PKHD1: variants seen among roughly 807,000 people sequenced by gnomAD.
The protein encoded by PKHD1 is fibrocystin.
PKHD1 carries 291 observed loss-of-function variants against 412.0 expected under a neutral mutation model. The ratio of observed to expected loss-of-function variants is 0.71; its 90% CI spans 0.64 to 0.78. PKHD1 has a LOEUF of 0.78. Among genes scored for constraint, PKHD1 ranks in the 30% least tolerant of loss-of-function variants. The probability of loss-of-function intolerance (pLI) is 0.00; values close to 1 mark genes in which losing one functional copy is unlikely to be tolerated. For missense variants in PKHD1, 4,825 were observed against 4,950.7 expected (o/e 0.97, Z 0.76); for synonymous variants, 1,777 against 1,821.5 (o/e 0.98, Z 0.62).
rs2435323 is a variant in PKHD1 at position 52,029,069 on chromosome 6, T to C, written c.3365-718A>G. Reference sequence around the variant, plus strand: ...ACAGTAATGCTGTATGTGAGTTTAGTAGCTCATAACTGACAGAGTACTTTC... The same window carrying C: ...ACAGTAATGCTGTATGTGAGTTTAGCAGCTCATAACTGACAGAGTACTTTC... On this transcript the variant is annotated intron_variant, in intron 29 of 66. Transcript: ENST00000371117. Among the ~76,000 whole-genome samples the C allele has an allele frequency of 9.9e-3, 1,513 of 152,328 alleles. 33 individuals are homozygous for C. Among genetic ancestry groups the C allele is most frequent in the African/African-American group, 0.034 (1,393 of 41,570 alleles).
intron 60 of PKHD1, among the ~76,000 whole-genome samples, chr6:51,695,462 GGAA>G (rs1247804284): frequency 2.0e-5 from 3 of 152,044 alleles, no homozygotes; most frequent in African/African-American, 7.2e-5. Context: ...AAGAAGAGGA[GGAA>G]GAAGAAGAGG....
At chr6:51,948,710 A>C (rs1156338133) in intron 36 of PKHD1, among the ~76,000 whole-genome samples, 1 of 152,146 alleles carries the variant, frequency 6.6e-6, no homozygotes, top group Non-Finnish European at 1.5e-5. Flanking sequence ...CCCAGGGAGG[A>C]CATGTAGAGT....
intron 60 of PKHD1, among the ~76,000 whole-genome samples, chr6:51,735,790 C>T (rs1341921562): frequency 6.6e-6 from 1 of 151,868 alleles, no homozygotes; most frequent in African/African-American, 2.4e-5. Flanking sequence ...AAAAACTAGC[C>T]AGGTGTGGTG....
chr6:51,870,485 T>C lies in PKHD1; in HGVS notation c.7486+19A>G. On this transcript the variant is annotated intron_variant, in intron 47 of 66. Coordinates refer to ENST00000371117, the MANE Select transcript of PKHD1 (RefSeq NM_138694.4). ...TATGGGCCTTATTTATCATCTGTTC[T>C]GTCTATTCAAATAATTACCTTGTCC... 6.3e-6 allele frequency: 10 copies of C among 1,596,894 alleles called. No homozygotes were observed. Among genetic ancestry groups the C allele is most frequent in the Non-Finnish European group, 8.6e-6 (10 of 1,164,678 alleles).
chr6:51,922,028 T>C (rs1253171178), intron 37 of PKHD1, among the ~76,000 whole-genome samples: 1 of 152,242 alleles, frequency 6.6e-6, no homozygotes, highest in East Asian at 1.9e-4. Flanking sequence ...TTTAGAATTT[T>C]CAGCTTTTCT....
At chr6:51,921,661 C>T (rs2127713474) in intron 37 of PKHD1, among the ~76,000 whole-genome samples, 1 of 152,276 alleles carries the variant, frequency 6.6e-6, no homozygotes, top group Non-Finnish European at 1.5e-5. Context: ...TCTCTTCTCA[C>T]TTCATATCAT....
chr6:51,735,600 G>C (rs1322594977), intron 60 of PKHD1, among the ~76,000 whole-genome samples: 1 of 152,176 alleles, frequency 6.6e-6, no homozygotes, highest in Non-Finnish European at 1.5e-5. Flanking sequence ...AACTTGGATA[G>C]AGGGTACTGG....
At chr6:51,629,515 C>T (rs1424349774) in intron 65 of PKHD1, among the ~76,000 whole-genome samples, 1 of 151,796 alleles carries the variant, frequency 6.6e-6, no homozygotes, top group Non-Finnish European at 1.5e-5. Context: ...ACAAGGTATA[C>T]ATTTTTTGGA....
intron 35 of PKHD1, among the ~76,000 whole-genome samples, chr6:51,976,944 T>TA (rs10671492): frequency 0.21 from 19,742 of 93,436 alleles, 2,110 homozygotes; most frequent in East Asian, 0.24. Context: ...TGAGACTCCA[T>TA]AAAAAAAAAA....
intron 60 of PKHD1, among the ~76,000 whole-genome samples, chr6:51,681,308 A>G (rs1776624112): frequency 6.6e-6 from 1 of 152,066 alleles, no homozygotes; most frequent in Non-Finnish European, 1.5e-5. Context: ...AATGCTGTGA[A>G]TAACTCCAGC....
rs67157925 is a variant in PKHD1 at position 51,694,548 on chromosome 6, C to CTTTTTTTT, written c.10157-34587_10157-34580dup. 1.9e-4 allele frequency among the ~76,000 whole-genome samples: 7 copies of CTTTTTTTT among 37,706 alleles called. 1 individual carries two copies. The highest frequency in any genetic ancestry group is 3.1e-4 in the Non-Finnish European group (7 of 22,640). 24.7% of individuals were successfully genotyped at this position (37,706 alleles called of 152,430 possible). A position where few individuals can be genotyped will look rare whatever the true frequency, so the allele number is the denominator to read the frequency against. ...ACAGGTGCCCGCCACCACAACCAGC[C>CTTTTTTTT]TTTTTTTTTTTTTTTTTTTTTTTTT... On this transcript the variant is annotated intron_variant, in intron 60 of 66. Coordinates refer to ENST00000371117, the MANE Select transcript of PKHD1 (RefSeq NM_138694.4).
At chr6:51,999,799 A>G (rs903136141) in intron 35 of PKHD1, among the ~76,000 whole-genome samples, 3 of 152,210 alleles carry the variant, frequency 2.0e-5, no homozygotes, top group Non-Finnish European at 4.4e-5. Context: ...AAAATAAAAA[A>G]TGTTTAACAT....
intron 51 of PKHD1, among the ~76,000 whole-genome samples, chr6:51,832,978 T>C (rs951802839): frequency 6.6e-6 from 1 of 152,190 alleles, no homozygotes; most frequent in African/African-American, 2.4e-5. Flanking sequence ...AAATATTTCA[T>C]AAACTCCAAT....
chr6:51,887,250 A>G lies in PKHD1; in HGVS notation c.6997-5T>C, dbSNP rs1422813423. The G allele has an allele frequency of 6.3e-7, 1 of 1,576,102 alleles. No individual in the cohort carries two copies. The highest frequency in any genetic ancestry group is 1.1e-5 in the South Asian group (1 of 90,350). ...AGCACCACACACTCTGTTCCCCTAC[A>G]GAAATTAAGAAGAGTTAAAAAATAG... On this transcript the variant is annotated splice_polypyrimidine_tract_variant and splice_region_variant and intron_variant, in intron 43 of 66. Coordinates refer to ENST00000371117, the MANE Select transcript of PKHD1 (RefSeq NM_138694.4).
At chr6:51,957,404 G>A (rs1273093038) in intron 36 of PKHD1, among the ~76,000 whole-genome samples, 1 of 152,056 alleles carries the variant, frequency 6.6e-6, no homozygotes, top group East Asian at 1.9e-4. Context: ...AAAGTGTTCA[G>A]GAAACAGAGC....
At chr6:51,907,434 C>T (rs1782282005) in intron 40 of PKHD1, among the ~76,000 whole-genome samples, 1 of 152,142 alleles carries the variant, frequency 6.6e-6, no homozygotes, top group Admixed American at 6.6e-5. Flanking sequence ...TCCATATCTA[C>T]TTCTGTAGCA....
intron 53 of PKHD1, 116 bp from the exon 54 acceptor site, chr6:51,776,037 G>T: frequency 1.5e-6 from 1 of 645,352 alleles, no homozygotes; most frequent in East Asian, 2.7e-5. Flanking sequence ...AGACTATATG[G>T]AGGAGTCAAT....
chr6:52,061,364 C>T (rs980179077), intron 14 of PKHD1, among the ~76,000 whole-genome samples: 2 of 152,064 alleles, frequency 1.3e-5, no homozygotes, highest in African/African-American at 2.4e-5. Context: ...TTATTTTTTA[C>T]GTTTTAGAGA....
At chr6:51,795,328 T>C (rs966025771) in intron 52 of PKHD1, among the ~76,000 whole-genome samples, 3 of 152,204 alleles carry the variant, frequency 2.0e-5, no homozygotes, top group African/African-American at 7.2e-5. Context: ...GCTCTTGGCT[T>C]GTCTATTGTT....
Sources: gnomAD v4.1 joint callset for allele counts (sites outside exome capture counted in the v4.1 genomes callset) on GRCh38, gnomAD v4.1.1 for gene constraint, MANE v1.5 for transcripts, NCBI Gene and HGNC (gene_info 2026-07-23, HGNC 2026-07-21) for gene names.